ATP13A2: variants seen among roughly 807,000 people sequenced by gnomAD.
ATP13A2 encodes the protein ATPase cation transporting 13A2.
A neutral mutation model predicts 138.3 loss-of-function variants in ATP13A2; 83 were observed. That is an observed-to-expected ratio of 0.60 (90% CI 0.50 to 0.72). The LOEUF (loss-of-function observed/expected upper bound fraction) is 0.72, where lower values mean the gene tolerates loss of function less well. ATP13A2 is among the 30% of genes least tolerant of loss of function. The pLI, the probability that ATP13A2 is intolerant of heterozygous loss-of-function variation, is 0.00. For missense variants in ATP13A2, 1,402 were observed against 1,606.4 expected, an observed-to-expected ratio of 0.87 and a Z score of 2.17; for synonymous variants, 663 against 699.0, an observed-to-expected ratio of 0.95 and a Z score of 0.81.
Position 16,988,523 on chromosome 1 carries a change from C to T in ATP13A2, c.2610-49G>A. 4 of 1,611,242 alleles carry T rather than the reference C, an allele frequency of 2.5e-6. No homozygotes were observed. The South Asian group carries it at 4.4e-5, about 18-fold the overall frequency. Reference sequence around the variant, plus strand: ...TGGCCTGGGGAATTACCCCACCACCCCATGGGTGGGCTGGCAGAATATGAT... The same window carrying T: ...TGGCCTGGGGAATTACCCCACCACCTCATGGGTGGGCTGGCAGAATATGAT... On this transcript the variant is annotated intron_variant, in intron 23 of 28. Transcript: ENST00000326735.
rs1343986468 is a variant in ATP13A2 at position 17,011,314 on chromosome 1, C to T, written c.10+415G>A. 6.6e-6 allele frequency among the ~76,000 whole-genome samples: 1 copy of T among 151,738 alleles called. No individual in the cohort carries two copies. Among genetic ancestry groups the T allele is most frequent in the Non-Finnish European group, 1.5e-5 (1 of 67,744 alleles). ...ACGCCATTCATTCATTCATTCAGCC[C>T]AGAGGGGTTGCCCAGAGGCCCGAGG... On this transcript the variant is annotated intron_variant, in intron 1 of 28. Coordinates refer to ENST00000326735, the MANE Select transcript of ATP13A2 (RefSeq NM_022089.4). This position sits in a 1 kb window ranked among gnomAD's most constrained non-coding sequence, Gnocchi z 7.3.
At chr1:16,998,158 G>A (rs1189209888) in intron 11 of ATP13A2, among the ~76,000 whole-genome samples, 1 of 152,202 alleles carries the variant, frequency 6.6e-6, no homozygotes, top group Non-Finnish European at 1.5e-5. Flanking sequence ...TTTGTGGAGG[G>A]CAGGGCTCAG....
Position 16,986,530 on chromosome 1 carries a change from T to A in ATP13A2, c.3338A>T (p.Asp1113Val). The A allele has an allele frequency of 6.2e-7, 1 of 1,612,654 alleles. No individual in the cohort carries two copies. The highest frequency in any genetic ancestry group is 8.5e-7 in the Non-Finnish European group (1 of 1,179,874). ...QGPLALRNIT[D>V]TGFKLLLLGL... is the part of the protein sequence containing the mutation. ...CAGCAGCAGCAGCTTGAAGCCGGTG[T>A]CAGTGATGTTCCTCAGCGCCAGCGG... is the stretch of plus-strand genomic sequence containing the variant. The change falls in exon 28 of 29, where the codon GAC becomes GTC. Residue 1113 changes from aspartate to valine, a missense_variant. By Grantham distance (152) the Asp-to-Val change is radical (BLOSUM62 -3). Coordinates refer to ENST00000326735, the MANE Select transcript of ATP13A2 (RefSeq NM_022089.4). The surrounding 1 kb of genome is among the most constrained non-coding windows in gnomAD (Gnocchi z 6.9).
At chr1:17,007,366 C>T (rs1165187244) in intron 1 of ATP13A2, among the ~76,000 whole-genome samples, 1 of 152,032 alleles carries the variant, frequency 6.6e-6, no homozygotes, top group Non-Finnish European at 1.5e-5. Context: ...GATGCCAGGG[C>T]CCTCCCCAGA....
At position 16,993,765 on chromosome 1, in the gene ATP13A2, G is replaced by T; in HGVS notation, c.1613C>A (p.Pro538His). 2.5e-6 allele frequency: 4 copies of T among 1,589,896 alleles called. No homozygotes were observed. The highest frequency in any genetic ancestry group is 3.4e-6 in the Non-Finnish European group (4 of 1,169,106). ...VVPLKGQAFL[P>H]LVPEPRRLPV... ...CAGGCGGCGAGGCTCTGGGACCAGG[G>T]GCAGGAATGCCTGCCCCTTCAGGGG... The change falls in exon 16 of 29, where the codon CCC becomes CAC. Residue 538 changes from proline (P) to histidine (H), a missense_variant. Coordinates refer to ENST00000326735, the MANE Select transcript of ATP13A2 (RefSeq NM_022089.4).
chr1:17,002,904 C>T (rs1347031402), intron 6 of ATP13A2, among the ~76,000 whole-genome samples: 1 of 152,210 alleles, frequency 6.6e-6, no homozygotes, highest in East Asian at 1.9e-4. Context: ...TCTGCCTCAC[C>T]TCCACATGAC....
In ATP13A2 at chr1:16,986,878, G is replaced by C. The variant is rs2076750447; in HGVS notation, c.3162C>G (p.Ser1054=). ...CAGCCAGGATGAGGTACTGGAAGCT[G>C]GACAGAGAGAAGACCACGGTGTTCT... The part of the protein sequence containing the change: ...NYENTVVFSL[S]SFQYLILAAA... Residue 1054 remains serine, a synonymous_variant, in exon 27 of 29, where the codon TCC becomes TCG. Coordinates refer to ENST00000326735, the MANE Select transcript of ATP13A2 (RefSeq NM_022089.4). This position sits in a 1 kb window ranked among gnomAD's most constrained non-coding sequence, Gnocchi z 6.9. The C allele has an allele frequency of 1.2e-6, 2 of 1,614,098 alleles. No individual in the cohort carries two copies. Among genetic ancestry groups the C allele is most frequent in the Non-Finnish European group, 1.7e-6 (2 of 1,180,012 alleles).
intron 23 of ATP13A2, among the ~76,000 whole-genome samples, chr1:16,989,326 C>T (rs751449798): frequency 7.9e-5 from 12 of 152,188 alleles, no homozygotes; most frequent in Non-Finnish European, 1.8e-4. Context: ...ACCCTCCTGC[C>T]TCAGCCTCTT....
Position 16,986,311 on chromosome 1 carries a change from G to T in ATP13A2, c.3453C>A (p.Pro1151=), listed in dbSNP as rs199775291. ...CLPACLRRLR[P]KRASKKRFKQ... The stretch of plus-strand genomic sequence containing the variant: ...TGAAGCGCTTCTTGGAGGCCCGCTT[G>T]GGCCGGAGGCGGCGCAGGCAGGCGG... Residue 1151 remains proline (P), a synonymous_variant, in exon 29 of 29, where the codon CCC becomes CCA. Transcript: ENST00000326735. This position sits in a 1 kb window ranked among gnomAD's most constrained non-coding sequence, Gnocchi z 6.9. 6.3e-7 allele frequency: 1 copy of T among 1,592,950 alleles called. No individual in the cohort carries two copies. Among genetic ancestry groups the T allele is most frequent in the East Asian group, 2.3e-5 (1 of 43,920 alleles).
At chr1:16,996,915 G>A (rs2077147919) in intron 12 of ATP13A2, 105 bp downstream of exon 12, 1 of 1,400,142 alleles carries the variant, frequency 7.1e-7, no homozygotes. Flanking sequence ...CAGCAGCAGA[G>A]GTGGGCGTGG....
At position 17,000,401 on chromosome 1, in the gene ATP13A2, T is replaced by C. The variant is rs148094721; in HGVS notation, c.839A>G (p.Lys280Arg). The part of the protein sequence containing the change: ...SICLSLYKTR[K>R]QSQTLRDMVK... ...CCCCACCCACCTTATGGCACTCACC[T>C]TTCTGGTCTTGTACAGCGACAGGCA... The change falls in exon 9 of 29, where the codon AAG (lysine) becomes AGG (arginine). Residue 280 changes from lysine to arginine, a missense_variant and splice_region_variant. By Grantham distance (26) the Lys-to-Arg change is conservative. Transcript: ENST00000326735. 96 of 1,612,220 alleles carry C rather than the reference T, an allele frequency of 6.0e-5. No individual in the cohort carries two copies. Among genetic ancestry groups the C allele is most frequent in the Non-Finnish European group, 7.5e-5 (89 of 1,179,196 alleles).
rs1284454996 is a variant in ATP13A2 at position 17,011,770 on chromosome 1, C to G, written c.-32G>C. The G allele has an allele frequency of 7.0e-7, 1 of 1,428,436 alleles. No homozygotes were observed. 88.5% of individuals were successfully genotyped at this position (1,428,436 alleles called of 1,614,324 possible). ...TCCTCGCGCTCATCGCCGGCCCCGG[C>G]GCTGCGGCCCTCGGCCTGGGCCCCG... On this transcript the variant is annotated 5_prime_UTR_variant, in exon 1 of 29. Transcript: ENST00000326735. The surrounding 1 kb of genome is among the most constrained non-coding windows in gnomAD (Gnocchi z 7.3).
Position 17,004,572 on chromosome 1 carries a change from T to C in ATP13A2, c.477+120A>G. 6.3e-7 allele frequency: 1 copy of C among 1,593,356 alleles called. No homozygotes were observed. Among genetic ancestry groups the C allele is most frequent in the Non-Finnish European group, 8.6e-7 (1 of 1,165,714 alleles). On this transcript the variant is annotated intron_variant, in intron 5 of 28. Coordinates refer to ENST00000326735, the MANE Select transcript of ATP13A2 (RefSeq NM_022089.4). The surrounding 1 kb of genome is among the most constrained non-coding windows in gnomAD (Gnocchi z 4.1). ...AAAGTGTAAACGTGCTCAGACAGCATCCTGGATGTTTGGGACAACAGAACT... is the reference window on the plus strand; with the variant it reads ...AAAGTGTAAACGTGCTCAGACAGCACCCTGGATGTTTGGGACAACAGAACT...
At chr1:17,001,946 C>T (rs367577676) in intron 8 of ATP13A2, 88 bp downstream of exon 8, 65 of 1,383,316 alleles carry the variant, frequency 4.7e-5, no homozygotes, top group East Asian at 1.7e-4. Flanking sequence ...TGGTTGCCAC[C>T]GTAAAGTGGC....
chr1:17,006,816 C>T (rs1485497841), intron 1 of ATP13A2, among the ~76,000 whole-genome samples: 2 of 152,162 alleles, frequency 1.3e-5, no homozygotes, highest in South Asian at 2.1e-4. Flanking sequence ...GACTAATAAA[C>T]GGTCAGCCCT....
At position 17,003,577 on chromosome 1, in the gene ATP13A2, C is replaced by CA. The variant is rs1420653747; in HGVS notation, c.557+754dup. On this transcript the variant is annotated intron_variant, in intron 6 of 28. Coordinates refer to ENST00000326735, the MANE Select transcript of ATP13A2 (RefSeq NM_022089.4). The stretch of plus-strand genomic sequence containing the variant: ...CATCTTAAAAAACAAACAAACAAAC[C>CA]AAAAAAACCACACACACACACACAC... 3.6e-3 allele frequency among the ~76,000 whole-genome samples: 449 copies of CA among 124,700 alleles called. 1 individual carries two copies. The highest frequency in any genetic ancestry group is 5.3e-3 in the Non-Finnish European group (327 of 61,362). 81.8% of individuals were successfully genotyped at this position (124,700 alleles called of 152,430 possible).
Position 16,986,628 on chromosome 1 carries a change from G to A in ATP13A2, c.3240C>T (p.Pro1080=), listed in dbSNP as rs769904401. Residue 1080 remains proline, a synonymous_variant, in exon 28 of 29, where the codon CCC becomes CCT. Transcript: ENST00000326735. The surrounding 1 kb of genome is among the most constrained non-coding windows in gnomAD (Gnocchi z 6.9). ...PFRRPLYTNV[P]FLVALALLSS... ...TCAGGAGCGCCAGGGCCACCAGGAAGGGCACTGGGAGCAGGAGAGTCTCTC... is the reference window on the plus strand; with the variant it reads ...TCAGGAGCGCCAGGGCCACCAGGAAAGGCACTGGGAGCAGGAGAGTCTCTC... 6.2e-7 allele frequency: 1 copy of A among 1,607,800 alleles called. No homozygotes were observed. The highest frequency in any genetic ancestry group is 1.1e-5 in the South Asian group (1 of 90,850).
chr1:16,993,667 C>T lies in ATP13A2; in HGVS notation c.1711G>A (p.Asp571Asn), dbSNP rs369863178. ...TCCACCATCTTCAAGTCCATGGGGT[C>T]GCCCACGGGGGTGTCCTGGAGCCGG... ...LSRLQDTPVG[D>N]PMDLKMVEST... is the part of the protein sequence containing the mutation. Residue 571 changes from aspartate to asparagine, a missense_variant, in exon 16 of 29, where the codon GAC (aspartate) becomes AAC (asparagine). Transcript: ENST00000326735. The T allele has an allele frequency of 8.8e-5, 141 of 1,594,202 alleles. No homozygotes were observed. The highest frequency in any genetic ancestry group is 2.6e-4 in the Admixed American group (15 of 57,176).
intron 20 of ATP13A2, among the ~76,000 whole-genome samples, chr1:16,991,301 T>C (rs2076920764): frequency 1.3e-5 from 2 of 151,988 alleles, no homozygotes; most frequent in African/African-American, 4.8e-5. Flanking sequence ...CCCAGGTTGG[T>C]CTTGAACTCC....
Sources: allele counts gnomAD v4.1 joint callset (sites outside exome capture counted in the v4.1 genomes callset), GRCh38; gene constraint gnomAD v4.1.1; non-coding constraint Gnocchi (gnomAD v3.1); transcripts MANE v1.5; gene names NCBI Gene and HGNC (gene_info 2026-07-23, HGNC 2026-07-21).